Variants in SMARCC1 observed in about 807,000 individuals in gnomAD.
SMARCC1 encodes the protein SWI/SNF complex subunit SMARCC1.
In SMARCC1, 43 loss-of-function variants were observed where a neutral mutation model predicts 147.4. The ratio of observed to expected loss-of-function variants is 0.29; its 90% CI spans 0.23 to 0.38. SMARCC1 has a LOEUF of 0.38. SMARCC1 is among the 10% of genes least tolerant of loss of function. The pLI, the probability that SMARCC1 is intolerant of heterozygous loss-of-function variation, is 1.00. For synonymous variants in SMARCC1, 495 were observed against 484.4 expected (o/e 1.02, Z -0.29); for missense variants, 1,119 against 1,381.1 (o/e 0.81, Z 3.01).
chr3:47,659,006 T>C (rs866127715), intron 21 of SMARCC1, among the ~76,000 whole-genome samples: 2 of 151,434 alleles, frequency 1.3e-5, no homozygotes, highest in African/African-American at 4.8e-5. Flanking sequence ...TAGTCCCAGC[T>C]ACTCCAGGGG....
intron 27 of SMARCC1, among the ~76,000 whole-genome samples, chr3:47,588,609 T>C (rs1397789212): frequency 6.6e-6 from 1 of 152,150 alleles, no homozygotes; most frequent in Non-Finnish European, 1.5e-5. Flanking sequence ...GAAGTTAATT[T>C]TGATTGCATT....
At chr3:47,751,311 G>C (rs966960389) in intron 2 of SMARCC1, among the ~76,000 whole-genome samples, 1 of 152,098 alleles carries the variant, frequency 6.6e-6, no homozygotes, top group African/African-American at 2.4e-5. Context: ...GGAAGGCCAA[G>C]GCAGGCTGAT....
At chr3:47,741,339 G>C (rs2034507603) in intron 3 of SMARCC1, among the ~76,000 whole-genome samples, 3 of 100,800 alleles carry the variant, frequency 3.0e-5, no homozygotes, top group Non-Finnish European at 4.7e-5. Flanking sequence ...TATGAGATAA[G>C]GGAAATTTGA....
At chr3:47,677,949 G>A (rs1259743289) in intron 16 of SMARCC1, among the ~76,000 whole-genome samples, 2 of 151,982 alleles carry the variant, frequency 1.3e-5, no homozygotes, top group Non-Finnish European at 2.9e-5. Context: ...CCAGGAGATC[G>A]AGACCAGCCT....
chr3:47,605,243 T>A (rs2032452526), intron 26 of SMARCC1, among the ~76,000 whole-genome samples: 1 of 152,202 alleles, frequency 6.6e-6, no homozygotes, highest in Non-Finnish European at 1.5e-5. Context: ...ATTCTACACC[T>A]TAGGGATATA....
intron 19 of SMARCC1, among the ~76,000 whole-genome samples, chr3:47,665,353 AT>A (rs2033407581): frequency 6.6e-6 from 1 of 152,200 alleles, no homozygotes; most frequent in African/African-American, 2.4e-5. Flanking sequence ...AAAAAGAAAA[AT>A]AAATCTCACT....
chr3:47,738,146 C>A, intron 3 of SMARCC1, 36 bp from the exon 4 acceptor site: 1 of 1,387,324 alleles, frequency 7.2e-7, no homozygotes, highest in South Asian at 1.3e-5. Flanking sequence ...AATTTGTCTC[C>A]CAGCTTAAAC....
intron 2 of SMARCC1, among the ~76,000 whole-genome samples, chr3:47,763,407 TAAAA>T (rs35782822): frequency 6.9e-6 from 1 of 145,176 alleles, no homozygotes; most frequent in African/African-American, 2.5e-5. Flanking sequence ...ACTCCAGCTC[TAAAA>T]AAAAAAAAAA....
chr3:47,646,856 A>G (rs1013748582), intron 21 of SMARCC1, among the ~76,000 whole-genome samples: 2 of 152,086 alleles, frequency 1.3e-5, no homozygotes, highest in African/African-American at 4.8e-5. Context: ...CCTGCTCCCC[A>G]CAGACCTCTT....
intron 1 of SMARCC1, among the ~76,000 whole-genome samples, chr3:47,777,740 C>G (rs956934036): frequency 1.3e-5 from 2 of 151,644 alleles, no homozygotes; most frequent in African/African-American, 4.8e-5. Context: ...ATTGGCCAGG[C>G]TGGTCTCGAA....
chr3:47,772,945 T>C lies in SMARCC1; in HGVS notation c.196-9A>G. 1.2e-6 allele frequency: 2 copies of C among 1,608,820 alleles called. No homozygotes were observed. The highest frequency in any genetic ancestry group is 1.7e-6 in the Non-Finnish European group (2 of 1,177,004). ...GCATCCGCATGAACATACTGCAAGA[T>C]AAAGACAGGCATTCAAAAACTAGTA... On this transcript the variant is annotated splice_polypyrimidine_tract_variant and intron_variant, in intron 1 of 27. Coordinates refer to ENST00000254480, the MANE Select transcript of SMARCC1 (RefSeq NM_003074.4).
chr3:47,689,388 T>A lies in SMARCC1; in HGVS notation c.1262A>T (p.Lys421Met). The change falls in exon 13 of 28, where the codon AAG becomes ATG. Residue 421 changes from lysine (K) to methionine (M), a missense_variant and splice_region_variant. Lys to Met is a moderately conservative substitution (Grantham distance 95). This residue lies in a region of SMARCC1 where 542 missense variants were observed against 611.8 expected (regional missense o/e 0.89). Coordinates refer to ENST00000254480, the MANE Select transcript of SMARCC1 (RefSeq NM_003074.4). The stretch of plus-strand genomic sequence containing the variant: ...CACCAGGCTTAACTGAATTGTTACC[T>A]TTCCTCCTGCTGTGACTGTTTCTTC... ...QDEETVTAGG[K>M]EDEDPAKGDQ... The A allele has an allele frequency of 6.2e-7, 1 of 1,612,430 alleles. No homozygotes were observed.
At chr3:47,774,752 T>C (rs2034954977) in intron 1 of SMARCC1, among the ~76,000 whole-genome samples, 1 of 151,996 alleles carries the variant, frequency 6.6e-6, no homozygotes, top group South Asian at 2.1e-4. Context: ...TCCCCTTCCT[T>C]ATACTATATT....
intron 26 of SMARCC1, among the ~76,000 whole-genome samples, chr3:47,606,291 C>A (rs753202412): frequency 6.6e-6 from 1 of 152,192 alleles, no homozygotes; most frequent in Non-Finnish European, 1.5e-5. Context: ...TGCTATAAAT[C>A]CCCTTAGTCT....
chr3:47,678,803 T>C (rs1042094886), intron 15 of SMARCC1, among the ~76,000 whole-genome samples: 9 of 152,124 alleles, frequency 5.9e-5, no homozygotes, highest in African/African-American at 1.9e-4. Context: ...AGCCACAGGG[T>C]TGGTAACTGA....
chr3:47,648,679 C>A (rs536919006), intron 21 of SMARCC1, among the ~76,000 whole-genome samples: 1 of 151,978 alleles, frequency 6.6e-6, no homozygotes. Flanking sequence ...CAGTTGTGAG[C>A]GACCACACCT....
At chr3:47,604,768 G>C (rs546679409) in intron 26 of SMARCC1, 1 of 135,418 alleles carries the variant, frequency 7.4e-6, no homozygotes, top group South Asian at 2.4e-4. Flanking sequence ...GCATGACCTC[G>C]GCTCACTGCA....
intron 11 of SMARCC1, among the ~76,000 whole-genome samples, chr3:47,697,147 C>T (rs1284773938): frequency 6.6e-6 from 1 of 152,084 alleles, no homozygotes; most frequent in African/African-American, 2.4e-5. Context: ...ATGGCAAGAC[C>T]GTGTCTCTAC....
chr3:47,601,698 CTTTTTTTTTT>C (rs869165458), intron 26 of SMARCC1: 36 of 138,306 alleles, frequency 2.6e-4, no homozygotes, highest in African/African-American at 9.2e-4. Context: ...CTTTTTTTTT[CTTTTTTTTTT>C]TTTTTGAGAT....
Sources: gnomAD v4.1 joint callset for allele counts (sites outside exome capture counted in the v4.1 genomes callset) on GRCh38, gnomAD v4.1.1 for gene constraint, gnomAD v4.1.1 regional missense constraint, MANE v1.5 for transcripts, NCBI Gene and HGNC (gene_info 2026-07-23, HGNC 2026-07-21) for gene names.